Variants in XKR4 observed in about 807,000 individuals in gnomAD.
XKR4 encodes XK-related protein 4.
A neutral mutation model predicts 53.9 loss-of-function variants in XKR4; 12 were observed. The observed-to-expected ratio is 0.22, with a 90% CI of 0.14 to 0.36. The LOEUF (loss-of-function observed/expected upper bound fraction) is 0.36. Among genes scored for constraint, XKR4 ranks in the 10% least tolerant of loss-of-function variants. The probability of loss-of-function intolerance (pLI) is 1.00; values close to 1 mark genes in which losing one functional copy is unlikely to be tolerated. For missense variants in XKR4, 799 were observed against 859.5 expected, an observed-to-expected ratio of 0.93 and a Z score of 0.88; for synonymous variants, 354 against 362.4, an observed-to-expected ratio of 0.98 and a Z score of 0.26.
intron 1 of XKR4, among the ~76,000 whole-genome samples, chr8:55,337,053 A>C (rs978590694): frequency 6.6e-6 from 1 of 152,180 alleles, no homozygotes; most frequent in Admixed American, 6.5e-5. Flanking sequence ...TTTGGGTCTG[A>C]AACATTTCTG....
At chr8:55,238,600 C>A (rs1818166655) in intron 1 of XKR4, among the ~76,000 whole-genome samples, 1 of 152,150 alleles carries the variant, frequency 6.6e-6, no homozygotes, top group Non-Finnish European at 1.5e-5. Flanking sequence ...TTGCCCACTT[C>A]CCTGTGCCCT....
chr8:55,396,390 T>G (rs1390570615), intron 2 of XKR4, among the ~76,000 whole-genome samples: 3 of 100,022 alleles, frequency 3.0e-5, no homozygotes, highest in African/African-American at 9.0e-5. Flanking sequence ...TGTGTTTTTT[T>G]TTTGTTTGGT....
At chr8:55,174,807 G>A (rs1213406509) in intron 1 of XKR4, among the ~76,000 whole-genome samples, 1 of 152,168 alleles carries the variant, frequency 6.6e-6, no homozygotes, top group African/African-American at 2.4e-5. Context: ...GGCTTAAGGT[G>A]GGACTGATTC....
intron 1 of XKR4, among the ~76,000 whole-genome samples, chr8:55,153,090 CCTT>C (rs574369261): frequency 1.3e-5 from 2 of 152,128 alleles, no homozygotes; most frequent in Non-Finnish European, 2.9e-5. Flanking sequence ...GCTGGGTTGA[CCTT>C]AGTGTGCTTC....
At position 55,348,721 on chromosome 8, in the gene XKR4, C is replaced by CAG. The variant is rs57415116; in HGVS notation, c.807-8947_807-8946dup. ...ACACACACACACACACACACACACA[C>CAG]AGAGAGAGAGATGATAGATAAAAGA... On this transcript the variant is annotated intron_variant, in intron 1 of 2. Transcript: ENST00000327381. Among the ~76,000 whole-genome samples the CAG allele has an allele frequency of 5.9e-3, 889 of 150,138 alleles. 4 individuals are homozygous for CAG. The highest frequency in any genetic ancestry group is 0.02 in the Middle Eastern group (6 of 294).
At chr8:55,462,671 C>A (rs1805681153) in intron 2 of XKR4, among the ~76,000 whole-genome samples, 1 of 152,152 alleles carries the variant, frequency 6.6e-6, no homozygotes, top group African/African-American at 2.4e-5. Context: ...TTAAAAGCCA[C>A]AGACTGGCAA....
chr8:55,210,999 T>C (rs1817723145), intron 1 of XKR4, among the ~76,000 whole-genome samples: 1 of 152,202 alleles, frequency 6.6e-6, no homozygotes, highest in Admixed American at 6.5e-5. Context: ...AAGTATCCTG[T>C]GTAGTCTTTC....
At chr8:55,338,395 G>A (rs1160250293) in intron 1 of XKR4, among the ~76,000 whole-genome samples, 1 of 152,180 alleles carries the variant, frequency 6.6e-6, no homozygotes, top group Non-Finnish European at 1.5e-5. Context: ...ACCAGAGTAG[G>A]AGCCAAGAAA....
At position 55,397,916 on chromosome 8, in the gene XKR4, T is replaced by C. The variant is rs373362188; in HGVS notation, c.1006+40039T>C. Among the ~76,000 whole-genome samples, 131 of 152,284 alleles carry C rather than the reference T, an allele frequency of 8.6e-4. 3 individuals are homozygous for C. In the South Asian group the frequency reaches 0.026, roughly 30 times the overall value. On this transcript the variant is annotated intron_variant, in intron 2 of 2. Coordinates refer to ENST00000327381, the MANE Select transcript of XKR4 (RefSeq NM_052898.2). ...CTGAGGGTGGGAACCATCCAAGGGC[T>C]CCTCCAGTCACACCTCTCAGGGGTT...
At chr8:55,426,546 A>G (rs904299277) in intron 2 of XKR4, among the ~76,000 whole-genome samples, 1 of 152,220 alleles carries the variant, frequency 6.6e-6, no homozygotes, top group Non-Finnish European at 1.5e-5. Flanking sequence ...TAACTTGTAC[A>G]TGCTTAAGAA....
At chr8:55,521,135 G>C (rs544074609) in intron 2 of XKR4, among the ~76,000 whole-genome samples, 1 of 152,226 alleles carries the variant, frequency 6.6e-6, no homozygotes, top group East Asian at 1.9e-4. Flanking sequence ...GGCGTTCCCG[G>C]GCAGAAACCC....
At chr8:55,443,094 G>A (rs1311008824) in intron 2 of XKR4, among the ~76,000 whole-genome samples, 2 of 152,008 alleles carry the variant, frequency 1.3e-5, no homozygotes, top group Non-Finnish European at 2.9e-5. Flanking sequence ...ACTTTTTATA[G>A]GTAAGAAAGT....
At chr8:55,212,242 C>G (rs977793542) in intron 1 of XKR4, among the ~76,000 whole-genome samples, 2 of 151,990 alleles carry the variant, frequency 1.3e-5, no homozygotes, top group Non-Finnish European at 2.9e-5. Flanking sequence ...TTAAAAGGTA[C>G]CATACACTTA....
In XKR4 at chr8:55,357,800, C is replaced by T; in HGVS notation, c.929C>T (p.Thr310Ile). 4 of 1,614,180 alleles carry T rather than the reference C, an allele frequency of 2.5e-6. No homozygotes were observed. Among genetic ancestry groups the T allele is most frequent in the Non-Finnish European group, 3.4e-6 (4 of 1,180,024 alleles). ...GTGAGTATGCTGCATTTGCTAGCCACCTTTCTGGAAAGTGCTCCACAGCTG... is the reference window on the plus strand; with the variant it reads ...GTGAGTATGCTGCATTTGCTAGCCATCTTTCTGGAAAGTGCTCCACAGCTG... The part of the protein sequence containing the change: ...ADVSMLHLLA[T>I]FLESAPQLVL... Residue 310 changes from threonine (T) to isoleucine (I), a missense_variant, in exon 2 of 3, where the codon ACC (threonine) becomes ATC (isoleucine). Around this residue, in one of 3 missense-constraint regions of XKR4, gnomAD observed 476 missense variants for 505.4 expected, o/e 0.94. Coordinates refer to ENST00000327381, the MANE Select transcript of XKR4 (RefSeq NM_052898.2).
At chr8:55,191,279 A>G (rs141333119) in intron 1 of XKR4, among the ~76,000 whole-genome samples, 28 of 152,260 alleles carry the variant, frequency 1.8e-4, no homozygotes, top group African/African-American at 6.7e-4. Context: ...CAAATCGTGC[A>G]ACCATCTTGA....
intron 2 of XKR4, among the ~76,000 whole-genome samples, chr8:55,373,513 T>C (rs1804102033): frequency 6.6e-6 from 1 of 152,000 alleles, no homozygotes; most frequent in South Asian, 2.1e-4. Flanking sequence ...CCGGTTCAAA[T>C]GCTTGGGCAA....
intron 1 of XKR4, chr8:55,135,765 C>A: frequency 2.8e-6 from 1 of 357,388 alleles, no homozygotes; most frequent in Non-Finnish European, 6.0e-6. Context: ...CAGGCCGGTG[C>A]ACTCACACCC....
intron 1 of XKR4, among the ~76,000 whole-genome samples, chr8:55,146,700 G>A (rs1816776388): frequency 6.6e-6 from 1 of 152,200 alleles, no homozygotes; most frequent in African/African-American, 2.4e-5. Context: ...TTTTTGCTCT[G>A]CTGTCTGGGT....
At chr8:55,137,170 GA>G (rs1174161760) in intron 1 of XKR4, among the ~76,000 whole-genome samples, 2 of 151,828 alleles carry the variant, frequency 1.3e-5, no homozygotes, top group Non-Finnish European at 2.9e-5. Flanking sequence ...TAATCTGCTA[GA>G]AAAAAGGTTA....
Sources: allele counts gnomAD v4.1 joint callset (sites outside exome capture counted in the v4.1 genomes callset), GRCh38; gene constraint gnomAD v4.1.1; regional missense constraint gnomAD v4.1.1; transcripts MANE v1.5; gene names NCBI Gene and HGNC (gene_info 2026-07-23, HGNC 2026-07-21).